Variants in PCDH11Y observed in about 807,000 individuals in gnomAD.
The protein encoded by PCDH11Y is protocadherin 11 Y-linked.
For synonymous variants in PCDH11Y, 9 were observed against 83.6 expected (o/e 0.11, Z 4.87); for missense variants, 12 against 224.8 (o/e 0.05, Z 6.05).
At chrY:5,423,570 C>G (rs2053260240) in intron 2 of PCDH11Y, among the ~76,000 whole-genome samples, 1 of 33,609 alleles carries the variant, frequency 3.0e-5, no homozygotes, top group East Asian at 7.8e-4. Flanking sequence ...GTGGTATATA[C>G]ATATACAATA....
chrY:5,488,534 A>C, intron 2 of PCDH11Y, among the ~76,000 whole-genome samples: 1 of 33,107 alleles, frequency 3.0e-5, no homozygotes, highest in African/African-American at 1.2e-4. Context: ...AAAAACAGAT[A>C]ATTTTCCAGT....
chrY:5,594,363 C>A (rs2053465196), intron 4 of PCDH11Y, among the ~76,000 whole-genome samples: 1 of 31,630 alleles, frequency 3.2e-5, no homozygotes, highest in Non-Finnish European at 7.7e-5. Context: ...GGGCTCTGTG[C>A]CCACCAAGGC....
intron 2 of PCDH11Y, among the ~76,000 whole-genome samples, chrY:5,349,883 A>C: frequency 2.9e-5 from 1 of 33,986 alleles, no homozygotes; most frequent in South Asian, 6.4e-4. Context: ...ATGTATTTTA[A>C]ATTCCTATAA....
At chrY:5,367,454 G>C in intron 2 of PCDH11Y, among the ~76,000 whole-genome samples, 1 of 21,041 alleles carries the variant, frequency 4.8e-5, no homozygotes, top group Non-Finnish European at 1.0e-4. Context: ...GCGCAATCTC[G>C]GCTCACTGCA....
downstream of PCDH11Y, among the ~76,000 whole-genome samples, chrY:5,103,578 G>A: frequency 6.2e-5 from 2 of 32,406 alleles, no homozygotes; most frequent in Non-Finnish European, 1.5e-4. Flanking sequence ...ATAGGAGTAC[G>A]TATATTGCAT....
At chrY:5,223,525 G>A (rs2052956284) in intron 2 of PCDH11Y, among the ~76,000 whole-genome samples, 2 of 32,362 alleles carry the variant, frequency 6.2e-5, no homozygotes, top group African/African-American at 1.2e-4. Flanking sequence ...ATGTAAACAC[G>A]GCTCACTGCT....
intron 3 of PCDH11Y, among the ~76,000 whole-genome samples, chrY:5,036,625 C>G: frequency 3.0e-5 from 1 of 33,432 alleles, no homozygotes; most frequent in Non-Finnish European, 7.4e-5. Flanking sequence ...GCTAGGACTT[C>G]TTTAAAAAAT....
intron 4 of PCDH11Y, among the ~76,000 whole-genome samples, chrY:5,683,528 G>GA (rs1386931458): frequency 3.0e-5 from 1 of 33,456 alleles, no homozygotes; most frequent in South Asian, 6.4e-4. Flanking sequence ...GAGCCAAAAG[G>GA]AAAAAAATGG....
chrY:5,519,644 A>C, intron 3 of PCDH11Y, among the ~76,000 whole-genome samples: 1 of 31,766 alleles, frequency 3.1e-5, no homozygotes, highest in Non-Finnish European at 7.6e-5. Flanking sequence ...TGACTGATTT[A>C]ACCTGTTCAT....
intron 2 of PCDH11Y, among the ~76,000 whole-genome samples, chrY:5,305,781 A>G: frequency 3.1e-5 from 1 of 32,419 alleles, no homozygotes; most frequent in Non-Finnish European, 7.5e-5. Context: ...GATTTTGTAA[A>G]ATTGCAAAAA....
chrY:5,499,011 G>A (rs2053349309), intron 2 of PCDH11Y, among the ~76,000 whole-genome samples: 6 of 32,313 alleles, frequency 1.9e-4, no homozygotes, highest in Non-Finnish European at 4.5e-4. Flanking sequence ...CAAAAAATTA[G>A]CTTGGTGTGG....
chrY:5,229,456 C>T (rs2052965304), intron 2 of PCDH11Y, among the ~76,000 whole-genome samples: 1 of 29,924 alleles, frequency 3.3e-5, no homozygotes, highest in Non-Finnish European at 7.9e-5. Context: ...GCTGGGACTA[C>T]AGGCACCCGC....
At chrY:5,496,104 C>A (rs2053344418) in intron 2 of PCDH11Y, among the ~76,000 whole-genome samples, 2 of 33,798 alleles carry the variant, frequency 5.9e-5, no homozygotes, top group Non-Finnish European at 1.5e-4. Flanking sequence ...TTATTTCCAT[C>A]CCATAAAGTC....
chrY:5,634,213 C>CA (rs200817422), intron 4 of PCDH11Y, among the ~76,000 whole-genome samples: 1 of 10,846 alleles, frequency 9.2e-5, no homozygotes, highest in Non-Finnish European at 1.9e-4. Context: ...GATTCCACCT[C>CA]AAAAAAAAAA....
intron 2 of PCDH11Y, among the ~76,000 whole-genome samples, chrY:5,115,126 G>A: frequency 8.4e-5 from 2 of 23,843 alleles, no homozygotes; most frequent in South Asian, 2.5e-3. Flanking sequence ...AGGGGTGAGA[G>A]AACCGCATTT....
intron 4 of PCDH11Y, among the ~76,000 whole-genome samples, chrY:5,654,732 G>T: frequency 3.1e-5 from 1 of 32,647 alleles, no homozygotes; most frequent in East Asian, 8.1e-4. Flanking sequence ...CATATGGGAA[G>T]GTAAAGGGTG....
At chrY:5,669,736 C>G in intron 4 of PCDH11Y, among the ~76,000 whole-genome samples, 1 of 30,719 alleles carries the variant, frequency 3.3e-5, no homozygotes, top group Non-Finnish European at 7.9e-5. Flanking sequence ...ATCAGGCATG[C>G]AATATGTAAT....
intron 3 of PCDH11Y, among the ~76,000 whole-genome samples, chrY:5,554,646 C>T (rs2053422036): frequency 3.0e-5 from 1 of 33,643 alleles, no homozygotes; most frequent in South Asian, 6.6e-4. Context: ...CTGAAAGGGG[C>T]CAAGGTAGAG....
chrY:5,064,897 T>G, intron 1 of PCDH11Y, among the ~76,000 whole-genome samples: 1 of 30,336 alleles, frequency 3.3e-5, no homozygotes, highest in Non-Finnish European at 7.8e-5. Flanking sequence ...TTATTGTATT[T>G]TTAGTAGAGA....
Sources: allele counts gnomAD v4.1 joint callset (sites outside exome capture counted in the v4.1 genomes callset), GRCh38; gene constraint gnomAD v4.1.1; transcripts MANE v1.5; gene names NCBI Gene and HGNC (gene_info 2026-07-23, HGNC 2026-07-21).